Variants in PARG observed in about 807,000 individuals in gnomAD.
PARG encodes poly(ADP-ribose) glycohydrolase.
PARG carries 35 observed loss-of-function variants against 113.0 expected under a neutral mutation model. The observed-to-expected ratio is 0.31, with a 90% CI of 0.24 to 0.41. PARG has a LOEUF of 0.41. PARG is among the 10% of genes least tolerant of loss of function. The pLI is 1.00. For missense variants in PARG, 797 were observed against 1,169.4 expected (o/e 0.68, Z 4.64); for synonymous variants, 330 against 409.9 (o/e 0.81, Z 2.36).
intron 4 of PARG, among the ~76,000 whole-genome samples, chr10:49,923,649 C>T (rs1434156450): frequency 2.6e-5 from 4 of 151,736 alleles, no homozygotes; most frequent in East Asian, 1.9e-4. Flanking sequence ...TGGAAGCAGC[C>T]GGCGCCAGGG....
intron 11 of PARG, among the ~76,000 whole-genome samples, chr10:49,862,385 T>A (rs1554836113): frequency 6.6e-6 from 1 of 151,236 alleles, no homozygotes; most frequent in Non-Finnish European, 1.5e-5. Flanking sequence ...GATCCAAAGT[T>A]CTAACTCACA....
At chr10:49,835,988 G>A (rs1844901966) in intron 15 of PARG, among the ~76,000 whole-genome samples, 1 of 152,126 alleles carries the variant, frequency 6.6e-6, no homozygotes. Flanking sequence ...CGACTGGTTT[G>A]TAGTCTAGGA....
At chr10:49,885,390 C>G (rs1484350658) in intron 7 of PARG, 95 bp from the exon 8 acceptor site, 3 of 746,654 alleles carry the variant, frequency 4.0e-6, no homozygotes, top group African/African-American at 3.5e-5. Flanking sequence ...TACATATCTG[C>G]TTTTCATGGA....
chr10:49,856,854 A>G (rs1278056611), intron 13 of PARG, among the ~76,000 whole-genome samples: 1 of 151,734 alleles, frequency 6.6e-6, no homozygotes, highest in Non-Finnish European at 1.5e-5. Context: ...TACTAAAAAT[A>G]CAAAATTAGC....
chr10:49,876,147 C>CT (rs1322993065), intron 9 of PARG, among the ~76,000 whole-genome samples: 3 of 142,628 alleles, frequency 2.1e-5, no homozygotes, highest in Non-Finnish European at 4.6e-5. Flanking sequence ...TCTGTAGCCT[C>CT]TACCATCTCC....
intron 12 of PARG, among the ~76,000 whole-genome samples, chr10:49,860,719 T>G (rs1846209668): frequency 6.6e-6 from 1 of 151,796 alleles, no homozygotes; most frequent in East Asian, 1.9e-4. Context: ...TTCAGGCAAC[T>G]GCTTTCTTTA....
At chr10:49,895,980 G>T (rs1467980316) in intron 7 of PARG, among the ~76,000 whole-genome samples, 4 of 152,072 alleles carry the variant, frequency 2.6e-5, no homozygotes, top group African/African-American at 9.7e-5. Flanking sequence ...AGTTCTAATA[G>T]TTATTTTTTA....
chr10:49,888,584 T>C (rs1197320029), intron 7 of PARG, among the ~76,000 whole-genome samples: 2 of 152,224 alleles, frequency 1.3e-5, no homozygotes, highest in African/African-American at 2.4e-5. Flanking sequence ...GAGAGATCCG[T>C]TGTCATTCAA....
Position 49,932,187 on chromosome 10 carries a change from A to G in PARG, c.1368T>C (p.Thr456=). 6.2e-7 allele frequency: 1 copy of G among 1,602,720 alleles called. No homozygotes were observed. Among genetic ancestry groups the G allele is most frequent in the East Asian group, 2.2e-5 (1 of 44,830 alleles). Residue 456 remains threonine, a synonymous_variant, in exon 4 of 18, where the codon ACT becomes ACC. Transcript: ENST00000616448. ...HLSPDKKWLG[T]PIEEMRRMPR... ...GCATTCTTCTCATCTCCTCAATGGG[A>G]GTTCCAAGCCACTTCTTATCTGGAG...
At chr10:49,857,497 T>C (rs1846051230) in intron 12 of PARG, 44 bp from the exon 13 acceptor site, 1 of 1,478,794 alleles carries the variant, frequency 6.8e-7, no homozygotes, top group Non-Finnish European at 9.4e-7. Flanking sequence ...CAAAAATACC[T>C]ACACATATGA....
At chr10:49,901,651 T>C (rs1848353264) in intron 7 of PARG, among the ~76,000 whole-genome samples, 1 of 152,064 alleles carries the variant, frequency 6.6e-6, no homozygotes, top group African/African-American at 2.4e-5. Context: ...GCGCACTCTT[T>C]GGAGAAAGAA....
chr10:49,920,698 T>G (rs1349953009), intron 6 of PARG, among the ~76,000 whole-genome samples: 17 of 151,012 alleles, frequency 1.1e-4, no homozygotes, highest in African/African-American at 4.1e-4. Flanking sequence ...TACACATAAT[T>G]AACATTATAC....
At chr10:49,899,681 G>A (rs1290028220) in intron 7 of PARG, among the ~76,000 whole-genome samples, 1 of 152,084 alleles carries the variant, frequency 6.6e-6, no homozygotes, top group Admixed American at 6.5e-5. Context: ...CAAAATCAGT[G>A]TGGTAGCAGA....
At chr10:49,883,897 T>G (rs1424692259) in intron 8 of PARG, among the ~76,000 whole-genome samples, 2 of 149,132 alleles carry the variant, frequency 1.3e-5, no homozygotes, top group Non-Finnish European at 3.0e-5. Context: ...GAAGTGATGC[T>G]AGGTACCTTG....
At chr10:49,832,934 C>G (rs900400790) in intron 15 of PARG, 26 bp from the exon 16 acceptor site, 2 of 1,185,684 alleles carry the variant, frequency 1.7e-6, no homozygotes, top group Non-Finnish European at 2.4e-6. Flanking sequence ...ATTATCAAAG[C>G]CTGTGAGTGC....
chr10:49,881,335 C>G (rs1847203261), intron 8 of PARG, among the ~76,000 whole-genome samples: 1 of 152,198 alleles, frequency 6.6e-6, no homozygotes, highest in African/African-American at 2.4e-5. Context: ...CAAAATAAAT[C>G]TCTTCAAATA....
chr10:49,878,956 G>A (rs1847085964), intron 9 of PARG, among the ~76,000 whole-genome samples: 1 of 152,138 alleles, frequency 6.6e-6, no homozygotes, highest in Non-Finnish European at 1.5e-5. Flanking sequence ...GTAGTGAGTA[G>A]GAGGGAAGAA....
At chr10:49,916,018 CG>C (rs782715877) in intron 6 of PARG, 27 bp from the exon 7 acceptor site, 79 of 1,299,698 alleles carry the variant, frequency 6.1e-5, no homozygotes, top group Admixed American at 5.9e-5. Flanking sequence ...AACAAAAAAA[CG>C]TCATGGTATG....
intron 7 of PARG, among the ~76,000 whole-genome samples, chr10:49,899,361 T>A (rs1479148796): frequency 1.5e-4 from 23 of 152,180 alleles, no homozygotes; most frequent in Non-Finnish European, 3.4e-4. Context: ...CTAACATTTA[T>A]CTGTGCACAA....
Sources: allele counts gnomAD v4.1 joint callset (sites outside exome capture counted in the v4.1 genomes callset), GRCh38; gene constraint gnomAD v4.1.1; transcripts MANE v1.5; gene names NCBI Gene and HGNC (gene_info 2026-07-23, HGNC 2026-07-21).